The following NRG1 variants were observed in gnomAD, a reference collection of about 807,000 sequenced individuals.
The protein encoded by NRG1 is neuregulin 1.
A neutral mutation model predicts 63.8 loss-of-function variants in NRG1; 18 were observed. The ratio of observed to expected loss-of-function variants is 0.28; its 90% confidence interval spans 0.19 to 0.42. The LOEUF is 0.42. NRG1 is among the 10% of genes least tolerant of loss of function. The pLI is 1.00. For missense variants in NRG1, 762 were observed against 814.7 expected (o/e 0.94, Z 0.79); for synonymous variants, 302 against 301.3 (o/e 1.00, Z -0.02).
chr8:32,333,909 A>G (rs957736763), intron 1 of NRG1, among the ~76,000 whole-genome samples: 3 of 152,158 alleles, frequency 2.0e-5, no homozygotes, highest in Non-Finnish European at 2.9e-5. Context: ...GTGTATGTCA[A>G]CCCTCAGCTA....
chr8:32,635,278 G>A (rs185549470), intron 5 of NRG1, among the ~76,000 whole-genome samples: 1 of 152,332 alleles, frequency 6.6e-6, no homozygotes, highest in African/African-American at 2.4e-5. Flanking sequence ...GGATGGATAG[G>A]TGGATGGGTA....
intron 1 of NRG1, among the ~76,000 whole-genome samples, chr8:32,334,748 T>G (rs1018049399): frequency 1.3e-5 from 2 of 152,196 alleles, no homozygotes; most frequent in Non-Finnish European, 2.9e-5. Flanking sequence ...ATTGTTGAAA[T>G]TGGTTATTAA....
intron 1 of NRG1, among the ~76,000 whole-genome samples, chr8:32,440,303 C>A (rs1819370145): frequency 6.6e-6 from 1 of 152,108 alleles, no homozygotes; most frequent in South Asian, 2.1e-4. Context: ...CAAACCATAG[C>A]ACCCGGCTAA....
intron 1 of NRG1, among the ~76,000 whole-genome samples, chr8:31,712,271 T>C (rs1811845904): frequency 7.5e-6 from 1 of 132,668 alleles, no homozygotes; most frequent in Non-Finnish European, 1.6e-5. Context: ...TTTTTTTTTT[T>C]TTTTTTTTTT....
At chr8:31,838,805 T>A (rs1379800222) in intron 1 of NRG1, among the ~76,000 whole-genome samples, 1 of 152,194 alleles carries the variant, frequency 6.6e-6, no homozygotes, top group Non-Finnish European at 1.5e-5. Flanking sequence ...AATTGGTTAT[T>A]TTATGTTTTC....
intron 5 of NRG1, among the ~76,000 whole-genome samples, chr8:32,696,972 A>G (rs1490774724): frequency 6.6e-6 from 1 of 152,194 alleles, no homozygotes; most frequent in Non-Finnish European, 1.5e-5. Flanking sequence ...AAAGTAATCT[A>G]TCTTTAAAGA....
intron 1 of NRG1, among the ~76,000 whole-genome samples, chr8:32,460,754 T>C (rs753087471): frequency 1.3e-5 from 2 of 152,232 alleles, no homozygotes; most frequent in Non-Finnish European, 2.9e-5. Flanking sequence ...GAGAGTTATC[T>C]ATTTCTCCCT....
chr8:32,409,709 T>C (rs971678543), intron 1 of NRG1, among the ~76,000 whole-genome samples: 10 of 152,220 alleles, frequency 6.6e-5, no homozygotes, highest in Non-Finnish European at 1.5e-4. Flanking sequence ...CTTTTTCCAT[T>C]TGCACTTCAC....
chr8:32,558,772 G>T (rs1021524197), intron 1 of NRG1, among the ~76,000 whole-genome samples: 1 of 152,114 alleles, frequency 6.6e-6, no homozygotes, highest in African/African-American at 2.4e-5. Flanking sequence ...TAATCCTGTT[G>T]CTCTGGAGCA....
chr8:32,739,472 A>C (rs1825852052), intron 6 of NRG1, among the ~76,000 whole-genome samples: 1 of 152,168 alleles, frequency 6.6e-6, no homozygotes, highest in African/African-American at 2.4e-5. Context: ...ATTTCCAAAA[A>C]ATGACTTTCA....
chr8:31,905,332 C>G lies in NRG1; in HGVS notation c.37+265901C>G, dbSNP rs551956789. On this transcript the variant is annotated intron_variant, in intron 1 of 10. Transcript: ENST00000519301. ...TAAGGGGGAAGTGGAGTGCATTGGT[C>G]ACACAAAAGACAACAACATGAAAAT... Among the ~76,000 whole-genome samples, 77 of 152,234 alleles carry G rather than the reference C, an allele frequency of 5.1e-4. 1 individual carries two copies. The highest frequency in any genetic ancestry group is 1.6e-3 in the African/African-American group (67 of 41,552).
exon 8 of NRG1, chr8:32,754,458 G>A: frequency 6.2e-7 from 1 of 1,613,782 alleles, no homozygotes; most frequent in Non-Finnish European, 8.5e-7. Flanking sequence ...GTGTGTGGTG[G>A]CCTACTGCAA....
chr8:31,945,603 A>T (rs897187206), intron 1 of NRG1, among the ~76,000 whole-genome samples: 42 of 151,606 alleles, frequency 2.8e-4, no homozygotes, highest in African/African-American at 1.0e-3. Flanking sequence ...ATTGAAAATA[A>T]GACTTCCACT....
intron 1 of NRG1, among the ~76,000 whole-genome samples, chr8:31,674,456 A>G (rs1370170397): frequency 6.6e-6 from 1 of 152,096 alleles, no homozygotes; most frequent in East Asian, 1.9e-4. Flanking sequence ...ACTTTCACCT[A>G]GTCAGTGAGT....
In NRG1 at chr8:31,839,244, A is replaced by G. The variant is rs188806184; in HGVS notation, c.37+199813A>G. 2.4e-4 allele frequency among the ~76,000 whole-genome samples: 37 copies of G among 152,284 alleles called. 1 individual carries two copies. The East Asian group carries it at 6.4e-3, about 26-fold the overall frequency. ...ACTATTCGTTGCCCATTCTTGTTCT[A>G]TATAAAAACCCCAGTGGTCCCTGCT... On this transcript the variant is annotated intron_variant, in intron 1 of 10. Coordinates refer to the NRG1 transcript ENST00000519301.
Position 32,314,756 on chromosome 8 carries a change from C to T in NRG1, c.38-281072C>T, listed in dbSNP as rs538289483. 2.0e-5 allele frequency among the ~76,000 whole-genome samples: 3 copies of T among 152,302 alleles called. No homozygotes were observed. The South Asian group carries it at 6.2e-4, about 32-fold the overall frequency. ...TCTCTTCATGAGCACCAAGAGGAAG[C>T]CCCCAGATGGGTCCCTGTCCTTACA... On this transcript the variant is annotated intron_variant, in intron 1 of 10. Transcript: ENST00000519301.
chr8:31,826,610 T>A (rs1303923136), intron 1 of NRG1, among the ~76,000 whole-genome samples: 1 of 151,654 alleles, frequency 6.6e-6, no homozygotes, highest in Non-Finnish European at 1.5e-5. Context: ...TAATACACTT[T>A]ACTACCTATC....
At position 32,609,018 on chromosome 8, in the gene NRG1, G is replaced by A. The variant is rs1010578950; in HGVS notation, c.400+3335G>A. ...CAAATTATCTGCTGTCTGGTCATAC[G>A]TCCACTGCTGCCTCAACTAGGGAGG... On this transcript the variant is annotated intron_variant, in intron 3 of 11. Transcript: ENST00000356819. Among the ~76,000 whole-genome samples, 8 of 152,220 alleles carry A rather than the reference G, an allele frequency of 5.3e-5. No homozygotes were observed. In the South Asian group the frequency reaches 8.3e-4, roughly 16 times the overall value.
At chr8:32,120,196 GA>G (rs1833255314) in intron 1 of NRG1, among the ~76,000 whole-genome samples, 1 of 151,928 alleles carries the variant, frequency 6.6e-6, no homozygotes, top group South Asian at 2.1e-4. Flanking sequence ...TTAGTATTAT[GA>G]AAACATTTCA....
Sources: allele counts gnomAD v4.1 joint callset (sites outside exome capture counted in the v4.1 genomes callset), GRCh38; gene constraint gnomAD v4.1.1; transcripts MANE v1.5; gene names NCBI Gene and HGNC (gene_info 2026-07-23, HGNC 2026-07-21).